PITPNA: variants seen among roughly 807,000 people sequenced by gnomAD.
PITPNA encodes the protein phosphatidylinositol transfer protein alpha isoform.
In PITPNA, 13 loss-of-function variants were observed where a neutral mutation model predicts 50.3. The observed-to-expected ratio is 0.26, with a 90% CI of 0.17 to 0.41. The LOEUF (loss-of-function observed/expected upper bound fraction) is 0.41. PITPNA is among the 10% of genes least tolerant of loss of function. PITPNA has a pLI of 1.00. For missense variants in PITPNA, 207 were observed against 333.4 expected, an observed-to-expected ratio of 0.62 and a Z score of 2.95; for synonymous variants, 120 against 119.6, an observed-to-expected ratio of 1.00 and a Z score of -0.02.
Position 1,548,494 on chromosome 17 carries a change from T to C in PITPNA, c.198-107A>G, listed in dbSNP as rs540675129. ...TGGGGAGCTGACAAGCAAGTTTCCATGCAATGAGCAGGTTACTGGTGGGAG... is the reference window on the plus strand; with the variant it reads ...TGGGGAGCTGACAAGCAAGTTTCCACGCAATGAGCAGGTTACTGGTGGGAG... On this transcript the variant is annotated intron_variant, in intron 3 of 11. Coordinates refer to ENST00000313486, the MANE Select transcript of PITPNA (RefSeq NM_006224.4). The C allele has an allele frequency of 1.1e-4, 84 of 747,752 alleles. 1 individual carries two copies. The highest frequency in any genetic ancestry group is 4.7e-4 in the Middle Eastern group (2 of 4,244). 46.3% of individuals were successfully genotyped at this position (747,752 alleles called of 1,614,324 possible). A position where few individuals can be genotyped will look rare whatever the true frequency, so the allele number is the denominator to read the frequency against.
In PITPNA at chr17:1,521,569, T is replaced by C; in HGVS notation, c.*22+10A>G. 1 of 1,592,308 alleles carries C rather than the reference T, an allele frequency of 6.3e-7. No homozygotes were observed. The highest frequency in any genetic ancestry group is 8.6e-7 in the Non-Finnish European group (1 of 1,160,080). Reference sequence around the variant, plus strand: ...TCTGTGACACGCACAGTGAGAAATTTGGTACGTACAGTGCAGAGGGGAAAG... The same window carrying C: ...TCTGTGACACGCACAGTGAGAAATTCGGTACGTACAGTGCAGAGGGGAAAG... On this transcript the variant is annotated intron_variant, in intron 11 of 11. Transcript: ENST00000313486.
rs1598400746 is a variant in PITPNA at position 1,520,048 on chromosome 17, A to C, written c.*513T>G. 1 of 152,348 alleles carries C rather than the reference A, an allele frequency of 6.6e-6. No homozygotes were observed. The highest frequency in any genetic ancestry group is 1.9e-4 in the East Asian group (1 of 5,194). 9.4% of individuals were successfully genotyped at this position (152,348 alleles called of 1,614,324 possible). A position where few individuals can be genotyped will look rare whatever the true frequency, so the allele number is the denominator to read the frequency against. ...CAAAACCACATTGCTATTTTGTGGA[A>C]GCGGTGCGGGGCAGGGAAACATTGT... On this transcript the variant is annotated 3_prime_UTR_variant, in exon 12 of 12. Transcript: ENST00000313486.
At chr17:1,547,424 T>A (rs148905341) in intron 4 of PITPNA, among the ~76,000 whole-genome samples, 104 of 151,598 alleles carry the variant, frequency 6.9e-4, no homozygotes, top group African/African-American at 2.4e-3. Flanking sequence ...CCGAGGCAGG[T>A]GGATCACTTG....
intron 7 of PITPNA, among the ~76,000 whole-genome samples, chr17:1,536,542 G>A (rs1311260726): frequency 6.6e-6 from 1 of 151,460 alleles, no homozygotes; most frequent in Non-Finnish European, 1.5e-5. Flanking sequence ...GCCCACCTTG[G>A]CCTCCCACAG....
intron 7 of PITPNA, 194 bp downstream of exon 7, chr17:1,538,675 T>G (rs2075631661): frequency 1.9e-6 from 1 of 518,430 alleles, no homozygotes; most frequent in Non-Finnish European, 3.4e-6. Context: ...CACACAAATT[T>G]GGGCCACTAA....
intron 1 of PITPNA, among the ~76,000 whole-genome samples, chr17:1,558,881 C>A (rs1598415394): frequency 6.7e-6 from 1 of 149,940 alleles, no homozygotes; most frequent in South Asian, 2.1e-4. Flanking sequence ...CCAAACCTAT[C>A]CTCCCGCCAG....
intron 5 of PITPNA, among the ~76,000 whole-genome samples, chr17:1,542,137 C>T (rs12601795): frequency 0.51 from 77,637 of 151,288 alleles, 19,999 homozygotes; most frequent in East Asian, 0.69. Context: ...GAGGCAGAAG[C>T]TGCAGGGAGC....
intron 2 of PITPNA, among the ~76,000 whole-genome samples, chr17:1,558,232 A>G (rs78723513): frequency 1.4e-5 from 2 of 147,950 alleles, no homozygotes; most frequent in Non-Finnish European, 3.0e-5. Flanking sequence ...CTCCGTCTCA[A>G]AAAAAAAAAA....
chr17:1,540,091 G>A (rs1019825795), intron 6 of PITPNA, among the ~76,000 whole-genome samples: 7 of 152,198 alleles, frequency 4.6e-5, no homozygotes, highest in African/African-American at 1.4e-4. Context: ...AACGCCTTCC[G>A]GATGTTTACG....
intron 6 of PITPNA, among the ~76,000 whole-genome samples, chr17:1,541,316 T>C (rs1160366672): frequency 2.0e-5 from 3 of 152,168 alleles, no homozygotes; most frequent in Admixed American, 1.3e-4. Flanking sequence ...TTTAAAGATA[T>C]AGCTCCCATG....
intron 3 of PITPNA, among the ~76,000 whole-genome samples, chr17:1,550,669 CA>C (rs928852539): frequency 1.3e-5 from 2 of 152,222 alleles, no homozygotes; most frequent in African/African-American, 4.8e-5. Context: ...GCTGGGACTA[CA>C]GGTGCACACC....
intron 2 of PITPNA, 59 bp from the exon 3 acceptor site, chr17:1,553,208 A>G (rs1283902302): frequency 6.3e-7 from 1 of 1,584,618 alleles, no homozygotes; most frequent in African/African-American, 1.3e-5. Flanking sequence ...GTTACACGTA[A>G]TCCAGCTGCC....
rs1187596001 is a variant in PITPNA at position 1,535,182 on chromosome 17, C to T, written c.645G>A (p.Lys215=). The T allele has an allele frequency of 1.2e-6, 2 of 1,602,114 alleles. No homozygotes were observed. Among genetic ancestry groups the T allele is most frequent in the Non-Finnish European group, 1.7e-6 (2 of 1,169,164 alleles). ...LQNKVENFIH[K]QERRLFTNFH... ...GGAAGGCCTCAGCCGAGCTACTTAC[C>T]TTATGGATGAAGTTCTCCACTTTGT... The change falls in exon 9 of 12, where the codon AAG becomes AAA. Residue 215 remains lysine (K), a splice_region_variant and synonymous_variant. Transcript: ENST00000313486.
Position 1,551,585 on chromosome 17 carries a change from A to C in PITPNA, c.197+1419T>G, listed in dbSNP as rs541391032. 2.1e-3 allele frequency among the ~76,000 whole-genome samples: 322 copies of C among 152,256 alleles called. 2 individuals carry two copies. Among genetic ancestry groups the C allele is most frequent in the African/African-American group, 7.1e-3 (293 of 41,544 alleles). On this transcript the variant is annotated intron_variant, in intron 3 of 11. Transcript: ENST00000313486. ...TGGGATTACAGGCGTGAGCCCCCGA[A>C]GCACCCGGCCAGGTTCCATCTTTCA... is the stretch of plus-strand genomic sequence containing the variant.
chr17:1,521,946 G>C (rs938788171), intron 10 of PITPNA, among the ~76,000 whole-genome samples: 1 of 150,322 alleles, frequency 6.7e-6, no homozygotes, highest in African/African-American at 2.5e-5. Context: ...GCTGGTCTTG[G>C]GCTCCTGGCC....
intron 4 of PITPNA, among the ~76,000 whole-genome samples, chr17:1,547,633 G>A (rs1387723824): frequency 6.6e-6 from 1 of 151,900 alleles, no homozygotes; most frequent in Admixed American, 6.6e-5. Context: ...CTAGGCAACA[G>A]AGCCAGGCTC....
At chr17:1,549,325 T>A (rs1598411648) in intron 3 of PITPNA, among the ~76,000 whole-genome samples, 1 of 151,184 alleles carries the variant, frequency 6.6e-6, no homozygotes, top group Admixed American at 6.6e-5. Context: ...TTAGAATTTT[T>A]TTTTTTTTTT....
In PITPNA at chr17:1,534,125, C is replaced by T. The variant is rs2075601001; in HGVS notation, c.742G>A (p.Glu248Lys). 1.9e-6 allele frequency: 3 copies of T among 1,613,786 alleles called. No individual in the cohort carries two copies. The highest frequency in any genetic ancestry group is 1.3e-5 in the African/African-American group (1 of 74,916). The change falls in exon 10 of 12, where the codon GAA becomes AAA. Residue 248 changes from glutamate (E) to lysine (K), a missense_variant. Transcript: ENST00000313486. ...LTMDDIRRME[E>K]ETKRQLDEMR... is the part of the protein sequence containing the mutation. ...TCATCCAGCTGTCTCTTCGTCTCTT[C>T]TTCCATCCTTCGAATGTCGTCCATG...
intron 10 of PITPNA, among the ~76,000 whole-genome samples, chr17:1,528,165 GT>G (rs1471164779): frequency 6.6e-6 from 1 of 152,218 alleles, no homozygotes; most frequent in Non-Finnish European, 1.5e-5. Context: ...GTGAGACCCT[GT>G]CTTGTTCTGT....
Sources: gnomAD v4.1 joint callset for allele counts (sites outside exome capture counted in the v4.1 genomes callset) on GRCh38, gnomAD v4.1.1 for gene constraint, MANE v1.5 for transcripts, NCBI Gene and HGNC (gene_info 2026-07-23, HGNC 2026-07-21) for gene names.